The following AGPS variants were observed in gnomAD, a reference collection of about 807,000 sequenced individuals.
The protein encoded by AGPS is alkyldihydroxyacetonephosphate synthase, peroxisomal.
AGPS carries 26 observed loss-of-function variants against 90.7 expected under a neutral mutation model. The ratio of observed to expected loss-of-function variants is 0.29; its 90% CI spans 0.21 to 0.40. The LOEUF is 0.40. Among genes scored for constraint, AGPS ranks in the 10% least tolerant of loss-of-function variants. The probability of loss-of-function intolerance (pLI) is 1.00; values close to 1 mark genes in which losing one functional copy is unlikely to be tolerated. For synonymous variants in AGPS, 294 were observed against 285.3 expected (o/e 1.03, Z -0.31); for missense variants, 540 against 816.1 (o/e 0.66, Z 4.12).
At chr2:177,476,598 C>T (rs781096342) in intron 10 of AGPS, among the ~76,000 whole-genome samples, 2 of 151,974 alleles carry the variant, frequency 1.3e-5, no homozygotes, top group East Asian at 3.9e-4. Flanking sequence ...GTAGTCTGTC[C>T]TGGAGAATGT....
chr2:177,443,708 C>G (rs1395008698), intron 7 of AGPS, among the ~76,000 whole-genome samples: 4 of 152,126 alleles, frequency 2.6e-5, no homozygotes, highest in African/African-American at 7.2e-5. Flanking sequence ...GTAAGGTTCC[C>G]CATTAACCTA....
At chr2:177,424,122 C>G (rs2105613456) in intron 2 of AGPS, among the ~76,000 whole-genome samples, 1 of 152,250 alleles carries the variant, frequency 6.6e-6, no homozygotes, top group East Asian at 1.9e-4. Context: ...TCTACTGCTC[C>G]CCTTGATGGG....
Position 177,521,344 on chromosome 2 carries a change from A to G in AGPS, c.1773A>G (p.Pro591=), listed in dbSNP as rs989190183. ...TTAACTACAGGGGAATTAGTGACCC[A>G]CTGACCGTATTTGAACAAACTGAGG... is the stretch of plus-strand genomic sequence containing the variant. ...FAFNYRGISD[P]LTVFEQTEAA... Residue 591 remains proline (P), a synonymous_variant, in exon 18 of 20, where the codon CCA becomes CCG. Transcript: ENST00000264167. 1 of 1,613,870 alleles carries G rather than the reference A, an allele frequency of 6.2e-7. No individual in the cohort carries two copies. Among genetic ancestry groups the G allele is most frequent in the Admixed American group, 1.7e-5 (1 of 60,002 alleles).
chr2:177,529,891 C>T (rs1158490015), intron 19 of AGPS, among the ~76,000 whole-genome samples: 1 of 152,142 alleles, frequency 6.6e-6, no homozygotes, highest in Non-Finnish European at 1.5e-5. Flanking sequence ...TTACACTTTC[C>T]TCACCTGCAA....
At chr2:177,451,735 T>C (rs1686959358) in intron 8 of AGPS, among the ~76,000 whole-genome samples, 1 of 152,152 alleles carries the variant, frequency 6.6e-6, no homozygotes, top group Admixed American at 6.5e-5. Context: ...ATGTTGGATT[T>C]GTGAAAAAAA....
chr2:177,537,963 T>C, intron 19 of AGPS, 111 bp from the exon 20 acceptor site: 2 of 1,446,500 alleles, frequency 1.4e-6, no homozygotes, highest in Non-Finnish European at 1.9e-6. Context: ...ACATTTCTCA[T>C]TTTTGAATAA....
Position 177,507,845 on chromosome 2 carries a change from G to C in AGPS, c.1546-125G>C, listed in dbSNP as rs543842938. Reference sequence around the variant, plus strand: ...TTTCAGTGCTCTTATGAGGTGGATAGTAAAGAGTGGATGAAGTTAAATGAG... The same window carrying C: ...TTTCAGTGCTCTTATGAGGTGGATACTAAAGAGTGGATGAAGTTAAATGAG... On this transcript the variant is annotated intron_variant, in intron 15 of 19. Coordinates refer to ENST00000264167, the MANE Select transcript of AGPS (RefSeq NM_003659.4). 27 of 765,490 alleles carry C rather than the reference G, an allele frequency of 3.5e-5. No homozygotes were observed. In the South Asian group the frequency reaches 3.9e-4, roughly 11 times the overall value. The allele number at this position is 765,490 out of a possible 1,614,324, so 47.4% of individuals were successfully genotyped here. A position where few individuals can be genotyped will look rare whatever the true frequency, so the allele number is the denominator to read the frequency against.
intron 15 of AGPS, among the ~76,000 whole-genome samples, chr2:177,506,993 A>G (rs1688735741): frequency 6.6e-6 from 1 of 152,036 alleles, no homozygotes; most frequent in African/African-American, 2.4e-5. Context: ...TTAAGGTTCT[A>G]GTTAATGTTA....
At position 177,400,023 on chromosome 2, in the gene AGPS, CT is replaced by C. The variant is rs1298224995; in HGVS notation, c.260+6978del. On this transcript the variant is annotated intron_variant, in intron 1 of 19. Transcript: ENST00000264167. ...TTGATGAACATTTAGGTGGTGGTTA[CT>C]TTTGGTCCGAATAATTACTTGTTTT... Among the ~76,000 whole-genome samples the C allele has an allele frequency of 2.6e-5, 4 of 152,216 alleles. No individual in the cohort carries two copies. The East Asian group carries it at 7.7e-4, about 29-fold the overall frequency.
chr2:177,538,086 G>T lies in AGPS; in HGVS notation c.1868G>T (p.Arg623Leu). ...TTTGTTTTTCCAGTGGGCAAGTTAC[G>T]GAAGCAATGGCTAAAGGAAAGTATC... ...LSHHHGVGKL[R>L]KQWLKESISD... Residue 623 changes from arginine (R) to leucine (L), a missense_variant, in exon 20 of 20, where the codon CGG (arginine) becomes CTG (leucine). Coordinates refer to ENST00000264167, the MANE Select transcript of AGPS (RefSeq NM_003659.4). The T allele has an allele frequency of 6.2e-7, 1 of 1,613,098 alleles. No homozygotes were observed. The highest frequency in any genetic ancestry group is 8.5e-7 in the Non-Finnish European group (1 of 1,179,274).
At chr2:177,513,546 T>G (rs1000857250) in intron 16 of AGPS, among the ~76,000 whole-genome samples, 3 of 152,176 alleles carry the variant, frequency 2.0e-5, no homozygotes, top group Non-Finnish European at 4.4e-5. Flanking sequence ...CTTTCCTAAG[T>G]GTAGGAAACC....
chr2:177,431,814 T>C (rs1686252516), intron 2 of AGPS, among the ~76,000 whole-genome samples: 1 of 152,218 alleles, frequency 6.6e-6, no homozygotes, highest in Non-Finnish European at 1.5e-5. Context: ...GTGCTCTGAT[T>C]TCATATTGTT....
At chr2:177,458,419 A>G (rs1687185197) in intron 8 of AGPS, among the ~76,000 whole-genome samples, 1 of 152,210 alleles carries the variant, frequency 6.6e-6, no homozygotes, top group Admixed American at 6.5e-5. Flanking sequence ...TGCAGATGAC[A>G]TGATTGTATA....
chr2:177,422,218 G>T (rs16865271), intron 2 of AGPS, among the ~76,000 whole-genome samples: 3,420 of 152,180 alleles, frequency 0.022, 138 homozygotes, highest in African/African-American at 0.078. Flanking sequence ...ATTCATTTAT[G>T]GTTAGATTAT....
chr2:177,418,972 A>G (rs987140937), intron 1 of AGPS, among the ~76,000 whole-genome samples: 1 of 152,000 alleles, frequency 6.6e-6, no homozygotes, highest in Non-Finnish European at 1.5e-5. Flanking sequence ...CTAATCTACA[A>G]ATCCAGTCTC....
chr2:177,534,280 C>G (rs547184977), intron 19 of AGPS, among the ~76,000 whole-genome samples: 10 of 152,212 alleles, frequency 6.6e-5, no homozygotes, highest in African/African-American at 2.4e-4. Context: ...CATGTCTGTT[C>G]ATTCATTTAT....
At chr2:177,407,223 C>G (rs963474101) in intron 1 of AGPS, among the ~76,000 whole-genome samples, 1 of 152,090 alleles carries the variant, frequency 6.6e-6, no homozygotes, top group African/African-American at 2.4e-5. Flanking sequence ...AAGCCCTTAG[C>G]TTTATAGTGT....
rs142475239 is a variant in AGPS, at chr2:177,438,821, A to C, written c.637+1767A>C. On this transcript the variant is annotated intron_variant, in intron 5 of 19. Coordinates refer to ENST00000264167, the MANE Select transcript of AGPS (RefSeq NM_003659.4). ...ACTTCTTTGGAAATAGTTTCCCGAC[A>C]AGTTATTAAGTCACTGAGGTCTTTA... is the stretch of plus-strand genomic sequence containing the variant. 4.0e-3 allele frequency among the ~76,000 whole-genome samples: 612 copies of C among 152,304 alleles called. 5 individuals are homozygous for C. Among genetic ancestry groups the C allele is most frequent in the East Asian group, 0.032 (167 of 5,194 alleles).
chr2:177,513,871 G>A lies in AGPS; in HGVS notation c.1660G>A (p.Glu554Lys). The A allele has an allele frequency of 6.2e-7, 1 of 1,613,798 alleles. No homozygotes were observed. The highest frequency in any genetic ancestry group is 8.5e-7 in the Non-Finnish European group (1 of 1,179,766). ...VKERITRECK[E>K]KGVQFAPFST... Reference sequence around the variant, plus strand: ...AGAAAGAATAACAAGGGAATGCAAAGAGAAGGGTGTTCAGTTTGCTCCTTT... The same window carrying A: ...AGAAAGAATAACAAGGGAATGCAAAAAGAAGGGTGTTCAGTTTGCTCCTTT... Residue 554 changes from glutamate to lysine, a missense_variant, in exon 17 of 20, where the codon GAG (glutamate) becomes AAG (lysine). Coordinates refer to ENST00000264167, the MANE Select transcript of AGPS (RefSeq NM_003659.4).
Sources: gnomAD v4.1 joint callset for allele counts (sites outside exome capture counted in the v4.1 genomes callset) on GRCh38, gnomAD v4.1.1 for gene constraint, MANE v1.5 for transcripts, NCBI Gene and HGNC (gene_info 2026-07-23, HGNC 2026-07-21) for gene names.